The following SCLT1 variants were observed in gnomAD, a reference collection of about 807,000 sequenced individuals.
SCLT1 encodes the protein sodium channel-associated protein 1.
A neutral mutation model predicts 112.8 loss-of-function variants in SCLT1; 78 were observed. The observed-to-expected ratio is 0.69, with a 90% CI of 0.58 to 0.83. SCLT1 has a LOEUF of 0.83. SCLT1 is among the 40% of genes least tolerant of loss of function. The pLI is 0.00. For synonymous variants in SCLT1, 257 were observed against 254.7 expected (o/e 1.01, Z -0.09); for missense variants, 747 against 770.4 (o/e 0.97, Z 0.36).
intron 14 of SCLT1, among the ~76,000 whole-genome samples, chr4:128,948,800 G>A (rs191867425): frequency 2.0e-5 from 3 of 152,222 alleles, no homozygotes; most frequent in East Asian, 3.9e-4. Context: ...AACAGACTGA[G>A]GTTGGGGGAT....
intron 9 of SCLT1, among the ~76,000 whole-genome samples, chr4:128,978,019 G>T (rs751492796): frequency 1.3e-5 from 2 of 152,120 alleles, no homozygotes; most frequent in Non-Finnish European, 2.9e-5. Flanking sequence ...GAGCCAACAC[G>T]AGCAGATGTA....
intron 2 of SCLT1, among the ~76,000 whole-genome samples, chr4:129,056,955 G>T (rs542739017): frequency 7.2e-5 from 11 of 152,316 alleles, no homozygotes; most frequent in Admixed American, 3.3e-4. Flanking sequence ...TCAGAATAAT[G>T]CTGGCTGTGG....
intron 5 of SCLT1, among the ~76,000 whole-genome samples, chr4:129,006,616 G>A (rs1744052107): frequency 6.6e-6 from 1 of 151,518 alleles, no homozygotes. Flanking sequence ...ATTTTGTACA[G>A]TTTCAGCTTG....
At chr4:129,077,528 A>T (rs956808874) in intron 2 of SCLT1, among the ~76,000 whole-genome samples, 1 of 152,200 alleles carries the variant, frequency 6.6e-6, no homozygotes, top group Non-Finnish European at 1.5e-5. Flanking sequence ...AGTGGGTAGG[A>T]GGGAAGGAAA....
At chr4:129,051,892 T>C (rs1467638514) in intron 2 of SCLT1, among the ~76,000 whole-genome samples, 1 of 152,200 alleles carries the variant, frequency 6.6e-6, no homozygotes, top group Non-Finnish European at 1.5e-5. Context: ...TGTTTTGAGA[T>C]ATGTTCCATC....
intron 18 of SCLT1, among the ~76,000 whole-genome samples, chr4:128,919,170 T>G (rs1188368764): frequency 6.9e-6 from 1 of 145,976 alleles, no homozygotes; most frequent in Non-Finnish European, 1.5e-5. Context: ...TTGACCACAA[T>G]CAGCTGCAAA....
chr4:129,073,650 C>A (rs1422462091), intron 2 of SCLT1, among the ~76,000 whole-genome samples: 3 of 152,072 alleles, frequency 2.0e-5, no homozygotes, highest in Non-Finnish European at 4.4e-5. Context: ...CAATGTCTCA[C>A]TACTTATAGA....
At position 128,946,096 on chromosome 4, in the gene SCLT1, G is replaced by A. The variant is rs1317591756; in HGVS notation, c.1350C>T (p.His450=). The part of the protein sequence containing the change: ...ESDYRKLEEM[H]QRFLVSERSK... ...AACGCTCTGAAACCAGGAATCTTTG[G>A]TGCATTTCTTCCAGTTTTCTGTAAT... Residue 450 remains histidine (H), a synonymous_variant, in exon 16 of 21, where the codon CAC becomes CAT. Coordinates refer to ENST00000281142, the MANE Select transcript of SCLT1 (RefSeq NM_144643.4). 6 of 1,608,288 alleles carry A rather than the reference G, an allele frequency of 3.7e-6. No homozygotes were observed. The highest frequency in any genetic ancestry group is 5.1e-6 in the Non-Finnish European group (6 of 1,175,134).
chr4:128,903,791 T>C (rs1734496097), intron 18 of SCLT1, among the ~76,000 whole-genome samples: 1 of 152,150 alleles, frequency 6.6e-6, no homozygotes, highest in Non-Finnish European at 1.5e-5. Context: ...TGTCAGGATG[T>C]TTCATTGCAG....
At chr4:128,961,611 GT>G (rs1239651265) in intron 11 of SCLT1, among the ~76,000 whole-genome samples, 2 of 151,984 alleles carry the variant, frequency 1.3e-5, no homozygotes, top group African/African-American at 4.8e-5. Flanking sequence ...TGTCAGTCAA[GT>G]GGTTTATTTT....
intron 2 of SCLT1, among the ~76,000 whole-genome samples, chr4:129,064,938 T>C (rs1750341669): frequency 6.6e-6 from 1 of 152,140 alleles, no homozygotes; most frequent in South Asian, 2.1e-4. Flanking sequence ...CACTGTAAAA[T>C]AACATGTACT....
At chr4:129,006,701 A>C (rs575019347) in intron 5 of SCLT1, among the ~76,000 whole-genome samples, 1 of 152,204 alleles carries the variant, frequency 6.6e-6, no homozygotes, top group African/African-American at 2.4e-5. Context: ...TGTTTGCTTC[A>C]GTATCTGGCA....
intron 10 of SCLT1, among the ~76,000 whole-genome samples, chr4:128,967,610 T>G (rs1214036104): frequency 6.6e-6 from 1 of 152,212 alleles, no homozygotes; most frequent in African/African-American, 2.4e-5. Context: ...ACTCATAGTG[T>G]TGAGCATTTT....
chr4:129,085,513 G>C (rs1374691092), intron 1 of SCLT1, among the ~76,000 whole-genome samples: 3 of 152,120 alleles, frequency 2.0e-5, no homozygotes. Context: ...CCATTACTGA[G>C]TATACACCCA....
At chr4:128,887,089 GA>G (rs199704144) in intron 20 of SCLT1, among the ~76,000 whole-genome samples, 1,670 of 152,156 alleles carry the variant, frequency 0.011, 20 homozygotes, top group African/African-American at 0.037. Context: ...TAAACATGAG[GA>G]AACTGAGGCT....
At chr4:129,013,600 T>G (rs540214182) in intron 5 of SCLT1, among the ~76,000 whole-genome samples, 20 of 152,280 alleles carry the variant, frequency 1.3e-4, no homozygotes, top group African/African-American at 4.3e-4. Flanking sequence ...AATTCTGGCT[T>G]GGAATTTCTT....
rs1380144943 is a variant in SCLT1 at position 128,999,663 on chromosome 4, CA to C, written c.549+8del. ...TGATATACAAGAAAATGATGAAATC[CA>C]AGATTACCTTTTGTTTTTGACTTTC... is the stretch of plus-strand genomic sequence containing the variant. On this transcript the variant is annotated splice_region_variant and intron_variant, in intron 7 of 20. Coordinates refer to ENST00000281142, the MANE Select transcript of SCLT1 (RefSeq NM_144643.4). The C allele has an allele frequency of 6.3e-7, 1 of 1,591,266 alleles. No individual in the cohort carries two copies. The highest frequency in any genetic ancestry group is 1.4e-5 in the African/African-American group (1 of 73,678).
chr4:128,886,145 G>A (rs1267662980), intron 20 of SCLT1, among the ~76,000 whole-genome samples: 2 of 152,074 alleles, frequency 1.3e-5, no homozygotes, highest in African/African-American at 4.8e-5. Context: ...TGCATTGAAA[G>A]GCTTCACCAC....
downstream of SCLT1, among the ~76,000 whole-genome samples, chr4:128,882,275 C>G (rs982539846): frequency 5.9e-5 from 9 of 151,998 alleles, no homozygotes; most frequent in African/African-American, 2.2e-4. Context: ...TGTGAATGAC[C>G]TGGGAAGGAA....
Sources: gnomAD v4.1 joint callset for allele counts (sites outside exome capture counted in the v4.1 genomes callset) on GRCh38, gnomAD v4.1.1 for gene constraint, MANE v1.5 for transcripts, NCBI Gene and HGNC (gene_info 2026-07-23, HGNC 2026-07-21) for gene names.